PLCL2: variants seen among roughly 807,000 people sequenced by gnomAD.
PLCL2 encodes the protein phospholipase C like 2, also known as inactive phospholipase C-like protein 2.
A neutral mutation model predicts 79.6 loss-of-function variants in PLCL2; 4 were observed. The observed-to-expected ratio is 0.05, with a 90% CI of 0.02 to 0.11. The LOEUF is 0.11. Ranked by LOEUF, PLCL2 falls within the 10% of genes least tolerant of loss-of-function variation. PLCL2 has a pLI of 1.00. For missense variants in PLCL2, 895 were observed against 1,291.0 expected, an observed-to-expected ratio of 0.69 and a Z score of 4.70; for synonymous variants, 484 against 457.7, an observed-to-expected ratio of 1.06 and a Z score of -0.73.
intron 1 of PLCL2, among the ~76,000 whole-genome samples, chr3:16,977,766 T>C (rs1024978869): frequency 6.6e-6 from 1 of 152,180 alleles, no homozygotes; most frequent in African/African-American, 2.4e-5. Context: ...TTACAAAATA[T>C]CCTTGACTGG....
At chr3:16,951,710 T>A (rs1229534527) in intron 1 of PLCL2, among the ~76,000 whole-genome samples, 1 of 152,160 alleles carries the variant, frequency 6.6e-6, no homozygotes, top group Admixed American at 6.6e-5. Context: ...AGTGCACACA[T>A]ATCATTCATT....
rs749682737 is a variant in PLCL2 at position 17,014,852 on chromosome 3, A to C, written c.2959A>C (p.Met987Leu). Reference sequence around the variant, plus strand: ...AAATCTCAGCGAGCAGTACCCCACAATGGAGCTGCAGGGAATTGTGCCGGA... The same window carrying C: ...AAATCTCAGCGAGCAGTACCCCACACTGGAGCTGCAGGGAATTGTGCCGGA... The part of the protein sequence containing the change: ...VLNLSEQYPT[M>L]ELQGIVPEVL... Residue 987 changes from methionine to leucine, a missense_variant, in exon 3 of 6, where the codon ATG (methionine) becomes CTG (leucine). Transcript: ENST00000615277. 6.2e-7 allele frequency: 1 copy of C among 1,613,990 alleles called. No individual in the cohort carries two copies. Among genetic ancestry groups the C allele is most frequent in the African/African-American group, 1.3e-5 (1 of 74,918 alleles).
At chr3:16,896,928 A>G (rs1399009125) in intron 1 of PLCL2, among the ~76,000 whole-genome samples, 4 of 152,318 alleles carry the variant, frequency 2.6e-5, no homozygotes, top group East Asian at 1.9e-4. Flanking sequence ...GGGGTTTCCT[A>G]AAGTGCCCTG....
At chr3:17,018,596 A>G (rs1209252874) in intron 3 of PLCL2, among the ~76,000 whole-genome samples, 1 of 152,166 alleles carries the variant, frequency 6.6e-6, no homozygotes, top group East Asian at 1.9e-4. Context: ...GCTTTTGCCC[A>G]CAACCCCTTA....
chr3:16,898,324 A>G (rs1372490214), intron 1 of PLCL2, among the ~76,000 whole-genome samples: 1 of 152,054 alleles, frequency 6.6e-6, no homozygotes, highest in East Asian at 1.9e-4. Flanking sequence ...TGGAACATTC[A>G]GTACTCAGTA....
intron 1 of PLCL2, among the ~76,000 whole-genome samples, chr3:16,938,876 G>A (rs576258442): frequency 2.6e-5 from 4 of 152,194 alleles, no homozygotes; most frequent in East Asian, 3.8e-4. Context: ...AAACTAGAGC[G>A]AAAGAATTCA....
At chr3:16,889,153 G>C (rs775130675) in intron 1 of PLCL2, among the ~76,000 whole-genome samples, 2 of 152,128 alleles carry the variant, frequency 1.3e-5, no homozygotes, top group African/African-American at 4.8e-5. Context: ...TGCAAAACAC[G>C]TGAAAAGTGC....
chr3:17,010,365 C>G lies in PLCL2; in HGVS notation c.1019C>G (p.Thr340Ser), dbSNP rs2064308615. The G allele has an allele frequency of 1.2e-6, 2 of 1,613,968 alleles. No individual in the cohort carries two copies. Among genetic ancestry groups the G allele is most frequent in the Non-Finnish European group, 1.7e-6 (2 of 1,179,920 alleles). The stretch of plus-strand genomic sequence containing the variant: ...ATTGAGGTTTTTCATGAGCTTTGTA[C>G]TAGACCTGAAATTTATTTCCTTTTA... The part of the protein sequence containing the change: ...EFIEVFHELC[T>S]RPEIYFLLVQ... The change falls in exon 2 of 6, where the codon ACT (threonine) becomes AGT (serine). Residue 340 changes from threonine to serine, a missense_variant. Thr to Ser is a moderately conservative substitution (Grantham distance 58). This residue lies in a region of PLCL2 where 93 missense variants were observed against 93.2 expected (regional missense o/e 1.00). Coordinates refer to ENST00000615277, the MANE Select transcript of PLCL2 (RefSeq NM_001144382.2). This position sits in a 1 kb window ranked among gnomAD's most constrained non-coding sequence, Gnocchi z 5.8.
At chr3:17,052,260 G>GT (rs537981998) in intron 4 of PLCL2, among the ~76,000 whole-genome samples, 1 of 150,352 alleles carries the variant, frequency 6.7e-6, no homozygotes, top group Non-Finnish European at 1.5e-5. Context: ...AAAATTGGGG[G>GT]GGGGTGAAGG....
Position 16,923,366 on chromosome 3 carries a change from A to G in PLCL2, c.327+38000A>G, listed in dbSNP as rs73816260. Reference sequence around the variant, plus strand: ...AGGGAGGTTGCAGCACAGCTGCAAAAGGAGCAAGAGAGCAATGACAGCAGA... The same window carrying G: ...AGGGAGGTTGCAGCACAGCTGCAAAGGGAGCAAGAGAGCAATGACAGCAGA... On this transcript the variant is annotated intron_variant, in intron 1 of 5. Coordinates refer to ENST00000615277, the MANE Select transcript of PLCL2 (RefSeq NM_001144382.2). 5.3e-3 allele frequency among the ~76,000 whole-genome samples: 810 copies of G among 152,358 alleles called. 9 individuals carry two copies. The highest frequency in any genetic ancestry group is 0.018 in the African/African-American group (767 of 41,586).
intron 3 of PLCL2, among the ~76,000 whole-genome samples, chr3:17,018,140 A>G (rs1366710591): frequency 1.3e-5 from 2 of 152,142 alleles, no homozygotes; most frequent in African/African-American, 2.4e-5. Flanking sequence ...GAATGACCCT[A>G]TTAGCAGTGC....
At chr3:16,933,085 A>C (rs957539771) in intron 1 of PLCL2, 2 of 154,556 alleles carry the variant, frequency 1.3e-5, no homozygotes, top group Non-Finnish European at 2.9e-5. Context: ...TGCCTCTAAG[A>C]AAATGAAACG....
chr3:16,908,418 G>T (rs1022626580), intron 1 of PLCL2, among the ~76,000 whole-genome samples: 2 of 152,042 alleles, frequency 1.3e-5, no homozygotes, highest in East Asian at 3.8e-4. Flanking sequence ...TTAATTTAGG[G>T]TCCAGTTAAG....
intron 1 of PLCL2, among the ~76,000 whole-genome samples, chr3:16,924,995 C>G (rs1366094347): frequency 6.6e-6 from 1 of 151,708 alleles, no homozygotes; most frequent in Non-Finnish European, 1.5e-5. Flanking sequence ...ACAATCTCGG[C>G]TCACTGCAAC....
intron 4 of PLCL2, among the ~76,000 whole-genome samples, chr3:17,043,620 A>G (rs2064749553): frequency 6.8e-6 from 1 of 147,450 alleles, no homozygotes; most frequent in Non-Finnish European, 1.5e-5. Flanking sequence ...GAATATTTTC[A>G]AGTCATAAAA....
chr3:17,070,795 T>C (rs1220585298), intron 5 of PLCL2, among the ~76,000 whole-genome samples: 1 of 152,082 alleles, frequency 6.6e-6, no homozygotes, highest in African/African-American at 2.4e-5. Flanking sequence ...TCCAGGCAGA[T>C]GGCCAGCAGT....
chr3:17,049,984 C>T (rs147691342), intron 4 of PLCL2, among the ~76,000 whole-genome samples: 5 of 152,054 alleles, frequency 3.3e-5, no homozygotes, highest in Non-Finnish European at 5.9e-5. Context: ...TAAAAGCAGA[C>T]ACATAGACCA....
intron 1 of PLCL2, among the ~76,000 whole-genome samples, chr3:16,970,190 G>A (rs970055342): frequency 8.6e-5 from 13 of 151,502 alleles, no homozygotes; most frequent in African/African-American, 2.4e-4. Context: ...TAGGTATATC[G>A]CCTAATGCTA....
chr3:17,086,740 A>G (rs1052314103), intron 5 of PLCL2, among the ~76,000 whole-genome samples: 14 of 152,222 alleles, frequency 9.2e-5, no homozygotes, highest in African/African-American at 3.4e-4. Context: ...AACAGTAAGG[A>G]AACAACCTGA....
Sources: gnomAD v4.1 joint callset for allele counts (sites outside exome capture counted in the v4.1 genomes callset) on GRCh38, gnomAD v4.1.1 for gene constraint, gnomAD v4.1.1 regional missense constraint, Gnocchi (gnomAD v3.1) non-coding constraint, MANE v1.5 for transcripts, NCBI Gene and HGNC (gene_info 2026-07-23, HGNC 2026-07-21) for gene names.